WNK1: variants seen among roughly 807,000 people sequenced by gnomAD.
The protein encoded by WNK1 is WNK lysine deficient protein kinase 1.
Under a neutral mutation model 222.8 loss-of-function variants are expected in WNK1, and 38 were observed. The ratio of observed to expected loss-of-function variants is 0.17; its 90% CI spans 0.13 to 0.22. The LOEUF is 0.22. WNK1 is among the 10% of genes least tolerant of loss of function. WNK1 has a pLI of 1.00. For synonymous variants in WNK1, 1,090 were observed against 1,092.9 expected (o/e 1.00, Z 0.05); for missense variants, 2,348 against 2,918.4 (o/e 0.80, Z 4.50).
intron 21 of WNK1, among the ~76,000 whole-genome samples, chr12:889,686 T>C (rs770445415): frequency 1.3e-5 from 2 of 151,968 alleles, no homozygotes; most frequent in Non-Finnish European, 2.9e-5. Context: ...GGTGTGGTGG[T>C]GCACGCCTGT....
chr12:882,762 G>A (rs1261028432), intron 14 of WNK1, among the ~76,000 whole-genome samples, 181 bp from the exon 15 acceptor site: 1 of 152,168 alleles, frequency 6.6e-6, no homozygotes, highest in South Asian at 2.1e-4. Context: ...AAAGGCTAAC[G>A]TCTTCTCAAA....
chr12:795,294 TTG>T lies in WNK1; in HGVS notation c.760-18346_760-18345del, dbSNP rs963389676. On this transcript the variant is annotated intron_variant, in intron 1 of 27. Transcript: ENST00000315939. ...GTTATAGGTCTATTCAGATTTTCCG[TTG>T]TTTTTTTTTTTTTTTTCTTGAGTCA... 2.8e-4 allele frequency among the ~76,000 whole-genome samples: 33 copies of T among 117,164 alleles called. No homozygotes were observed. The East Asian group carries it at 4.0e-3, about 14-fold the overall frequency. 76.9% of individuals were successfully genotyped at this position (117,164 alleles called of 152,430 possible).
At chr12:906,733 CCTCT>C (rs980994760) in intron 26 of WNK1, 90 of 985,204 alleles carry the variant, frequency 9.1e-5, no homozygotes, top group South Asian at 4.2e-4. Flanking sequence ...TCTCTTATTA[CCTCT>C]CTCTATTTAA....
intron 5 of WNK1, among the ~76,000 whole-genome samples, chr12:858,095 A>C (rs758976162): frequency 6.6e-6 from 1 of 152,212 alleles, no homozygotes; most frequent in African/African-American, 2.4e-5. Flanking sequence ...AGCCTTTATT[A>C]AGTAAAAATT....
rs187789347 is a variant in WNK1 at position 815,440 on chromosome 12, A to G, written c.932+1626A>G. Among the ~76,000 whole-genome samples the G allele has an allele frequency of 7.2e-5, 11 of 152,352 alleles. No homozygotes were observed. The East Asian group carries it at 1.3e-3, about 19-fold the overall frequency. On this transcript the variant is annotated intron_variant, in intron 2 of 27. Coordinates refer to ENST00000315939, the MANE Select transcript of WNK1 (RefSeq NM_018979.4). ...ATGCTTACGGTTAGCATGTTGAAAC[A>G]TGAACAGATCATTTCTGTCCTGCAA...
chr12:865,026 A>G (rs551007780), intron 8 of WNK1: 18 of 1,423,588 alleles, frequency 1.3e-5, no homozygotes, highest in African/African-American at 5.8e-5. Context: ...TCTTCATGCA[A>G]CTATGCCCTG....
At chr12:796,134 A>G (rs1187631624) in intron 1 of WNK1, among the ~76,000 whole-genome samples, 1 of 152,160 alleles carries the variant, frequency 6.6e-6, no homozygotes, top group Non-Finnish European at 1.5e-5. Context: ...CTGGCCTCCC[A>G]AAGTGTTGGG....
intron 2 of WNK1, among the ~76,000 whole-genome samples, chr12:824,668 T>TA (rs1263899154): frequency 1.3e-5 from 1 of 75,740 alleles, no homozygotes; most frequent in Non-Finnish European, 3.3e-5. Context: ...TGGGAATAGT[T>TA]AAAAAAAAGA....
At chr12:879,309 A>T (rs1331679506) in intron 10 of WNK1, among the ~76,000 whole-genome samples, 1 of 151,926 alleles carries the variant, frequency 6.6e-6, no homozygotes, top group African/African-American at 2.4e-5. Flanking sequence ...ATGCTGAAGC[A>T]TTAGCAAATA....
chr12:829,823 T>C, intron 3 of WNK1, 180 bp from the exon 4 acceptor site: 1 of 626,672 alleles, frequency 1.6e-6, no homozygotes, highest in Non-Finnish European at 2.8e-6. Context: ...AGATCTTTTA[T>C]GAGATATTTG....
chr12:882,685 C>T (rs1394034355), intron 14 of WNK1, among the ~76,000 whole-genome samples: 1 of 152,126 alleles, frequency 6.6e-6, no homozygotes, highest in Non-Finnish European at 1.5e-5. Flanking sequence ...TTCTTACATT[C>T]CATATTTCTA....
rs1955177421 is a variant in WNK1 at position 900,647 on chromosome 12, C to G, written c.6620C>G (p.Pro2207Arg). 1 of 1,614,054 alleles carries G rather than the reference C, an allele frequency of 6.2e-7. No individual in the cohort carries two copies. The highest frequency in any genetic ancestry group is 8.5e-7 in the Non-Finnish European group (1 of 1,180,040). The stretch of plus-strand genomic sequence containing the variant: ...ACCAGTGATGGTGCCATTTCAGTAC[C>G]AAGCCTTTCTGCTCCAGGTCAAGGT... ...AFTSDGAISV[P>R]SLSAPGQGTS... The change falls in exon 26 of 28, where the codon CCA becomes CGA. Residue 2207 changes from proline (P) to arginine (R), a missense_variant. By Grantham distance (103) the Pro-to-Arg change is moderately radical (BLOSUM62 -2). This residue lies in a region of WNK1 where 1,144 missense variants were observed against 1,273.6 expected (regional missense o/e 0.90). Transcript: ENST00000315939.
At chr12:812,449 A>G (rs1309789104) in intron 1 of WNK1, among the ~76,000 whole-genome samples, 1 of 152,220 alleles carries the variant, frequency 6.6e-6, no homozygotes, top group East Asian at 1.9e-4. Flanking sequence ...TTCATGACAA[A>G]AAGCCTCTGA....
In WNK1 at chr12:868,691, G is replaced by A. The variant is rs772523479; in HGVS notation, c.2140-2574G>A. ...AGGAGGTGGAATTTTACCTCAGCGTGTTTACCGAAATCGGCAGGTTGCAGT... is the reference window on the plus strand; with the variant it reads ...AGGAGGTGGAATTTTACCTCAGCGTATTTACCGAAATCGGCAGGTTGCAGT... On this transcript the variant is annotated intron_variant, in intron 8 of 27. Transcript: ENST00000315939. 5.6e-6 allele frequency: 9 copies of A among 1,613,794 alleles called. No individual in the cohort carries two copies. The highest frequency in any genetic ancestry group is 5.9e-6 in the Non-Finnish European group (7 of 1,179,908).
rs1384614765 is a variant in WNK1 at position 878,113 on chromosome 12, A to G, written c.2224-99A>G. The G allele has an allele frequency of 6.1e-6, 9 of 1,470,490 alleles. No homozygotes were observed. The African/African-American group carries it at 1.3e-4, about 21-fold the overall frequency. 91.1% of individuals were successfully genotyped at this position (1,470,490 alleles called of 1,614,324 possible). ...GCATGTCTTGATTACTAAAATCATC[A>G]TTATTTACAGACACTGAAGGCTTTA... On this transcript the variant is annotated intron_variant, in intron 9 of 27. Transcript: ENST00000315939.
Position 827,204 on chromosome 12 carries a change from G to A in WNK1, c.1095G>A (p.Lys365=), listed in dbSNP as rs778306873. 6.2e-7 allele frequency: 1 copy of A among 1,614,190 alleles called. No homozygotes were observed. Among genetic ancestry groups the A allele is most frequent in the Non-Finnish European group, 8.5e-7 (1 of 1,180,030 alleles). The change falls in exon 3 of 28, where the codon AAG becomes AAA. Residue 365 remains lysine, a synonymous_variant. Coordinates refer to ENST00000315939, the MANE Select transcript of WNK1 (RefSeq NM_018979.4). The surrounding 1 kb of genome is among the most constrained non-coding windows in gnomAD (Gnocchi z 4.6). ...IFITGPTGSV[K]IGDLGLATLK... ...TCACCGGCCCTACTGGCTCAGTCAA[G>A]ATTGGAGACCTCGGTCTGGCAACCC...
At chr12:854,741 C>T (rs1950655143) in intron 4 of WNK1, among the ~76,000 whole-genome samples, 2 of 152,178 alleles carry the variant, frequency 1.3e-5, no homozygotes, top group Non-Finnish European at 2.9e-5. Flanking sequence ...ACAGTTGTTC[C>T]TCCCTGTCTG....
intron 8 of WNK1, among the ~76,000 whole-genome samples, chr12:866,997 C>T (rs543662183): frequency 3.2e-4 from 49 of 152,178 alleles, no homozygotes; most frequent in South Asian, 1.0e-3. Context: ...GTGGCGCACG[C>T]GTGTAGTCCC....
At chr12:868,940 GGA>G in intron 8 of WNK1, 1 of 1,589,990 alleles carries the variant, frequency 6.3e-7, no homozygotes, top group Non-Finnish European at 8.6e-7. Context: ...CCCTACAGGG[GGA>G]GCAGCTGCAC....
Sources: allele counts gnomAD v4.1 joint callset (sites outside exome capture counted in the v4.1 genomes callset), GRCh38; gene constraint gnomAD v4.1.1; regional missense constraint gnomAD v4.1.1; non-coding constraint Gnocchi (gnomAD v3.1); transcripts MANE v1.5; gene names NCBI Gene and HGNC (gene_info 2026-07-23, HGNC 2026-07-21).